LDLRAD3: variants seen among roughly 807,000 people sequenced by gnomAD.
The protein encoded by LDLRAD3 is low-density lipoprotein receptor class A domain-containing protein 3.
A neutral mutation model predicts 29.4 loss-of-function variants in LDLRAD3; 20 were observed. That is an observed-to-expected ratio of 0.68 (90% CI 0.48 to 0.99). The LOEUF is 0.99. Ranked by LOEUF, LDLRAD3 falls within the 50% of genes least tolerant of loss-of-function variation. The probability of loss-of-function intolerance (pLI) is 0.00; values close to 1 mark genes in which losing one functional copy is unlikely to be tolerated. For missense variants in LDLRAD3, 420 were observed against 454.3 expected (o/e 0.92, Z 0.69); for synonymous variants, 157 against 192.7 (o/e 0.81, Z 1.53).
intron 4 of LDLRAD3, among the ~76,000 whole-genome samples, chr11:36,105,239 G>A (rs1328421402): frequency 8.5e-6 from 1 of 118,160 alleles, no homozygotes; most frequent in East Asian, 2.9e-4. Context: ...GTGTGTGTGT[G>A]AGAGAGAGAG....
intron 1 of LDLRAD3, among the ~76,000 whole-genome samples, chr11:35,992,162 G>T (rs1851699633): frequency 6.6e-6 from 1 of 152,158 alleles, no homozygotes; most frequent in African/African-American, 2.4e-5. Flanking sequence ...GGTTTTTCAA[G>T]ATAGTAGGAA....
chr11:36,116,637 G>A (rs983103414), intron 4 of LDLRAD3, among the ~76,000 whole-genome samples: 6 of 151,576 alleles, frequency 4.0e-5, no homozygotes, highest in African/African-American at 9.7e-5. Flanking sequence ...CATTTCTAGT[G>A]ATTGGCACCT....
chr11:35,949,390 C>T (rs1565117627), intron 1 of LDLRAD3, among the ~76,000 whole-genome samples: 2 of 152,192 alleles, frequency 1.3e-5, no homozygotes, highest in Non-Finnish European at 2.9e-5. Flanking sequence ...CACAAGCTGC[C>T]AGATTGCCTT....
At chr11:35,959,444 A>G (rs1041177288) in intron 1 of LDLRAD3, among the ~76,000 whole-genome samples, 4 of 152,210 alleles carry the variant, frequency 2.6e-5, no homozygotes, top group African/African-American at 9.7e-5. Context: ...TTGAATGTTT[A>G]TTAAGCCTAG....
chr11:36,162,489 A>G (rs907445508), intron 4 of LDLRAD3, among the ~76,000 whole-genome samples: 5 of 152,228 alleles, frequency 3.3e-5, no homozygotes, highest in Admixed American at 3.3e-4. Context: ...GCTAGAACCC[A>G]GACAGAATGT....
intron 4 of LDLRAD3, among the ~76,000 whole-genome samples, chr11:36,185,353 G>A (rs1854831463): frequency 6.6e-6 from 1 of 152,174 alleles, no homozygotes; most frequent in African/African-American, 2.4e-5. Context: ...CTTTTAGAAG[G>A]AGACAAAGGG....
chr11:35,977,773 G>T (rs981218062), intron 1 of LDLRAD3, among the ~76,000 whole-genome samples: 2 of 152,168 alleles, frequency 1.3e-5, no homozygotes, highest in Admixed American at 1.3e-4. Context: ...CTGCTTCATA[G>T]GTGGTCCTCA....
intron 1 of LDLRAD3, among the ~76,000 whole-genome samples, chr11:35,994,988 C>A (rs1246511883): frequency 6.6e-6 from 1 of 152,208 alleles, no homozygotes; most frequent in African/African-American, 2.4e-5. Context: ...TGACTGAAGT[C>A]TTGAACACCT....
intron 1 of LDLRAD3, among the ~76,000 whole-genome samples, chr11:36,001,421 C>T (rs1851823601): frequency 6.6e-6 from 1 of 152,094 alleles, no homozygotes; most frequent in Admixed American, 6.6e-5. Flanking sequence ...TAGGATGACA[C>T]TTATTACAGA....
At chr11:36,145,494 T>C (rs1854176623) in intron 4 of LDLRAD3, among the ~76,000 whole-genome samples, 1 of 149,136 alleles carries the variant, frequency 6.7e-6, no homozygotes. Flanking sequence ...CACCACCCCG[T>C]CTGGGAGGTG....
At chr11:35,994,912 C>T (rs1306449652) in intron 1 of LDLRAD3, among the ~76,000 whole-genome samples, 1 of 152,212 alleles carries the variant, frequency 6.6e-6, no homozygotes, top group Non-Finnish European at 1.5e-5. Context: ...AATTCAGTCA[C>T]ATCTTTAGGC....
chr11:36,130,331 A>G (rs946164484), intron 4 of LDLRAD3, among the ~76,000 whole-genome samples: 4 of 152,168 alleles, frequency 2.6e-5, no homozygotes, highest in Non-Finnish European at 4.4e-5. Context: ...GGCTGACGGG[A>G]TAGAACTCAC....
intron 1 of LDLRAD3, among the ~76,000 whole-genome samples, chr11:36,014,439 G>A (rs1372280991): frequency 3.9e-5 from 6 of 152,194 alleles, no homozygotes; most frequent in South Asian, 2.1e-4. Flanking sequence ...GAATGGAAGC[G>A]GCTGGAAGGG....
chr11:36,029,040 C>G (rs1290104447), intron 1 of LDLRAD3, among the ~76,000 whole-genome samples: 1 of 152,122 alleles, frequency 6.6e-6, no homozygotes, highest in Non-Finnish European at 1.5e-5. Context: ...GTCAGGAGAT[C>G]GAGACCATCC....
intron 4 of LDLRAD3, among the ~76,000 whole-genome samples, chr11:36,132,578 C>T (rs1379062373): frequency 6.6e-6 from 1 of 152,140 alleles, no homozygotes; most frequent in Non-Finnish European, 1.5e-5. Flanking sequence ...TGTCGAAGGT[C>T]ACAAAGCCAC....
intron 3 of LDLRAD3, among the ~76,000 whole-genome samples, chr11:36,091,793 G>T (rs1853285126): frequency 1.3e-5 from 2 of 152,182 alleles, no homozygotes; most frequent in Admixed American, 1.3e-4. Context: ...ATGGCTAAAA[G>T]ATAGTGAAAC....
chr11:36,053,561 A>G (rs1852560196), intron 2 of LDLRAD3, among the ~76,000 whole-genome samples: 1 of 152,170 alleles, frequency 6.6e-6, no homozygotes, highest in Non-Finnish European at 1.5e-5. Context: ...GATGTATACA[A>G]AGTGCTTGGT....
chr11:36,176,892 T>C (rs1854686708), intron 4 of LDLRAD3, among the ~76,000 whole-genome samples: 1 of 152,242 alleles, frequency 6.6e-6, no homozygotes, highest in Non-Finnish European at 1.5e-5. Flanking sequence ...TCCTCAGTTA[T>C]TCCCTCAAAT....
chr11:36,165,371 A>G (rs1482554662), intron 4 of LDLRAD3, among the ~76,000 whole-genome samples: 1 of 151,830 alleles, frequency 6.6e-6, no homozygotes, highest in Admixed American at 6.6e-5. Flanking sequence ...CGTCTTTTGA[A>G]TTACTTCCTT....
Sources: allele counts gnomAD v4.1 joint callset (sites outside exome capture counted in the v4.1 genomes callset), GRCh38; gene constraint gnomAD v4.1.1; transcripts MANE v1.5; gene names NCBI Gene and HGNC (gene_info 2026-07-23, HGNC 2026-07-21).